MMS22L: variants seen among roughly 807,000 people sequenced by gnomAD.
The protein encoded by MMS22L is protein MMS22-like.
MMS22L carries 74 observed loss-of-function variants against 159.1 expected under a neutral mutation model. The observed-to-expected ratio is 0.47, with a 90% CI of 0.39 to 0.56. The LOEUF (loss-of-function observed/expected upper bound fraction) is 0.56, where lower values mean the gene tolerates loss of function less well. Among genes scored for constraint, MMS22L ranks in the 20% least tolerant of loss-of-function variants. The pLI is 0.00. For missense variants in MMS22L, 1,351 were observed against 1,422.1 expected (o/e 0.95, Z 0.80); for synonymous variants, 517 against 506.9 (o/e 1.02, Z -0.27).
At chr6:97,277,477 A>C (rs1292414014) in intron 4 of MMS22L, among the ~76,000 whole-genome samples, 1 of 152,086 alleles carries the variant, frequency 6.6e-6, no homozygotes, top group African/African-American at 2.4e-5. Context: ...GAAACAAGAC[A>C]AAAACAAAAC....
rs144412804 is a variant in MMS22L at position 97,150,107 on chromosome 6, A to G, written c.3483-87T>C. 144 of 936,388 alleles carry G rather than the reference A, an allele frequency of 1.5e-4. No homozygotes were observed. The East Asian group carries it at 2.4e-3, about 16-fold the overall frequency. The allele number at this position is 936,388 out of a possible 1,614,324, so 58.0% of individuals were successfully genotyped here. A position where few individuals can be genotyped will look rare whatever the true frequency, so the allele number is the denominator to read the frequency against. ...CGTGGCAATCAACTATGAACTGAAC[A>G]TAACAAAGATCATTTCATAAAAGTT... On this transcript the variant is annotated intron_variant, in intron 23 of 24. Transcript: ENST00000683635.
chr6:97,247,978 A>G (rs1200408004), intron 10 of MMS22L, among the ~76,000 whole-genome samples: 1 of 152,224 alleles, frequency 6.6e-6, no homozygotes, highest in African/African-American at 2.4e-5. Context: ...CACAGTGAGT[A>G]TGGTAGTCAG....
At chr6:97,258,405 T>C (rs749579554) in intron 9 of MMS22L, among the ~76,000 whole-genome samples, 1 of 152,200 alleles carries the variant, frequency 6.6e-6, no homozygotes, top group Non-Finnish European at 1.5e-5. Context: ...CACTACAGAA[T>C]GGTTATTTTG....
At chr6:97,157,999 C>T (rs552601803) in intron 22 of MMS22L, among the ~76,000 whole-genome samples, 29 of 152,114 alleles carry the variant, frequency 1.9e-4, no homozygotes, top group African/African-American at 6.5e-4. Context: ...ATTTCAATAC[C>T]TGTTATTGGT....
At chr6:97,160,262 C>T (rs769752011) in intron 22 of MMS22L, among the ~76,000 whole-genome samples, 7 of 151,932 alleles carry the variant, frequency 4.6e-5, no homozygotes, top group Non-Finnish European at 1.0e-4. Flanking sequence ...TGAAAAACTT[C>T]CTTTAGCATT....
intron 14 of MMS22L, among the ~76,000 whole-genome samples, chr6:97,210,393 T>C (rs577011036): frequency 6.6e-6 from 1 of 152,022 alleles, no homozygotes; most frequent in Admixed American, 6.6e-5. Context: ...AAGAAAGGAT[T>C]CTCTAACTTC....
intron 9 of MMS22L, chr6:97,258,845 C>T (rs79963655): frequency 1.3e-5 from 2 of 152,336 alleles, no homozygotes; most frequent in East Asian, 3.9e-4. Context: ...CCTGGGTTAA[C>T]ATTGCCAATC....
chr6:97,157,824 C>G lies in MMS22L; in HGVS notation c.3385+4178G>C. ...GCCAGGTTTTAGTATCAGGATGATGCTGGCTTCATAAAATGAATTAGGGAG... is the reference window on the plus strand; with the variant it reads ...GCCAGGTTTTAGTATCAGGATGATGGTGGCTTCATAAAATGAATTAGGGAG... On this transcript the variant is annotated intron_variant, in intron 22 of 24. Coordinates refer to ENST00000683635, the MANE Select transcript of MMS22L (RefSeq NM_001350599.2). Among the ~76,000 whole-genome samples, 2 of 152,222 alleles carry G rather than the reference C, an allele frequency of 1.3e-5. 1 individual carries two copies. Among genetic ancestry groups the G allele is most frequent in the South Asian group, 4.2e-4 (2 of 4,812 alleles).
rs576396276 is a variant in MMS22L, at chr6:97,159,346, C to T, written c.3385+2656G>A. ...TTCCTTTGTGGTCACTCTAAGCTAA[C>T]CATATATACCTTAACTTATCAGAGC... On this transcript the variant is annotated intron_variant, in intron 22 of 24. Coordinates refer to ENST00000683635, the MANE Select transcript of MMS22L (RefSeq NM_001350599.2). 4.8e-4 allele frequency among the ~76,000 whole-genome samples: 73 copies of T among 151,874 alleles called. 1 individual carries two copies. The highest frequency in any genetic ancestry group is 1.7e-3 in the African/African-American group (71 of 41,478).
chr6:97,246,561 T>A, intron 11 of MMS22L, 67 bp downstream of exon 11: 1 of 1,345,880 alleles, frequency 7.4e-7, no homozygotes, highest in African/African-American at 1.5e-5. Context: ...TTGCTTGGTT[T>A]TAAAAATAAA....
chr6:97,267,788 T>C, intron 8 of MMS22L, 84 bp downstream of exon 8: 1 of 1,226,202 alleles, frequency 8.2e-7, no homozygotes. Flanking sequence ...GCATTTTAGT[T>C]TAAATTCTTA....
In MMS22L at chr6:97,229,077, G is replaced by A. The variant is rs766993688; in HGVS notation, c.1856C>T (p.Thr619Ile). 3 of 1,613,678 alleles carry A rather than the reference G, an allele frequency of 1.9e-6. No individual in the cohort carries two copies. In the Admixed American group the frequency reaches 5.0e-5, roughly 27 times the overall value. ...GTATATGGAAAGAAGGGTCCAGATA[G>A]TCTGTCTCTGTACCATTTCCTCATT... Reference protein sequence around the residue: ...SKNEEMVQRQTIWTLLSIYID... With the variant: ...SKNEEMVQRQIIWTLLSIYID... The change falls in exon 14 of 25, where the codon ACT becomes ATT. Residue 619 changes from threonine to isoleucine, a missense_variant. By Grantham distance (89) the Thr-to-Ile change is moderately conservative. Coordinates refer to ENST00000683635, the MANE Select transcript of MMS22L (RefSeq NM_001350599.2).
At chr6:97,166,023 CAAAG>C (rs1802928778) in intron 20 of MMS22L, among the ~76,000 whole-genome samples, 1 of 152,074 alleles carries the variant, frequency 6.6e-6, no homozygotes, top group South Asian at 2.1e-4. Context: ...TTAAATTTCT[CAAAG>C]AACCACTGAG....
chr6:97,186,309 GTAAA>G (rs971324325), intron 15 of MMS22L, among the ~76,000 whole-genome samples, 184 bp downstream of exon 15: 20 of 152,004 alleles, frequency 1.3e-4, no homozygotes, highest in African/African-American at 4.1e-4. Flanking sequence ...CTTATTTTTA[GTAAA>G]TAATCATTTA....
intron 14 of MMS22L, among the ~76,000 whole-genome samples, chr6:97,210,599 C>T (rs1355532169): frequency 1.3e-5 from 2 of 151,784 alleles, no homozygotes; most frequent in Non-Finnish European, 2.9e-5. Flanking sequence ...ATGACAAATT[C>T]AGAACAGCAT....
intron 11 of MMS22L, among the ~76,000 whole-genome samples, chr6:97,236,822 G>A (rs1234501559): frequency 6.6e-6 from 1 of 152,000 alleles, no homozygotes; most frequent in Admixed American, 6.6e-5. Flanking sequence ...ATGGTGGCGG[G>A]TGCCTGTAGT....
At position 97,165,445 on chromosome 6, in the gene MMS22L, C is replaced by A; in HGVS notation, c.3022G>T (p.Val1008Leu). Reference protein sequence around the residue: ...LPLYLQGMCIVCCQSQNPNAY... With the variant: ...LPLYLQGMCILCCQSQNPNAY... ...TTCGGATTTTGAGATTGACAACACA[C>A]GATACACATGCCCTACAAGGAAAAA... Residue 1008 changes from valine (V) to leucine (L), a missense_variant, in exon 21 of 25, where the codon GTG becomes TTG. Coordinates refer to ENST00000683635, the MANE Select transcript of MMS22L (RefSeq NM_001350599.2). 6.2e-7 allele frequency: 1 copy of A among 1,612,090 alleles called. No individual in the cohort carries two copies. The highest frequency in any genetic ancestry group is 2.2e-5 in the East Asian group (1 of 44,766).
intron 18 of MMS22L, among the ~76,000 whole-genome samples, chr6:97,177,188 T>C (rs559933022): frequency 6.6e-6 from 1 of 152,258 alleles, no homozygotes; most frequent in South Asian, 2.1e-4. Context: ...ATTAAAAAAA[T>C]TATTTAACCA....
rs1477063515 is a variant in MMS22L, at chr6:97,229,306, C to T, written c.1627G>A (p.Glu543Lys). Residue 543 changes from glutamate to lysine, a missense_variant, in exon 14 of 25, where the codon GAG becomes AAG. Coordinates refer to ENST00000683635, the MANE Select transcript of MMS22L (RefSeq NM_001350599.2). ...ACATGACTTGCAACATCTTCTACCT[C>T]TGCAACAGCTGCTAACAGTAGAAAA... The part of the protein sequence containing the change: ...SLFLLLAAVA[E>K]VEDVASHVLD... 2.5e-6 allele frequency: 4 copies of T among 1,614,044 alleles called. No homozygotes were observed. The highest frequency in any genetic ancestry group is 1.6e-4 in the Middle Eastern group (1 of 6,084).
Sources: allele counts gnomAD v4.1 joint callset (sites outside exome capture counted in the v4.1 genomes callset), GRCh38; gene constraint gnomAD v4.1.1; transcripts MANE v1.5; gene names NCBI Gene and HGNC (gene_info 2026-07-23, HGNC 2026-07-21).